The following EYS variants were observed in gnomAD, a reference collection of about 807,000 sequenced individuals.
EYS encodes the protein EGF-like photoreceptor maintenance factor.
EYS carries 250 observed loss-of-function variants against 282.1 expected under a neutral mutation model. That is an observed-to-expected ratio of 0.89 (90% CI 0.80 to 0.98). EYS has a LOEUF of 0.98. Ranked by LOEUF, EYS falls within the 50% of genes least tolerant of loss-of-function variation. The pLI is 0.00. For missense variants in EYS, 4,016 were observed against 3,709.0 expected, an observed-to-expected ratio of 1.08 and a Z score of -2.15; for synonymous variants, 1,355 against 1,282.9, an observed-to-expected ratio of 1.06 and a Z score of -1.20.
At chr6:65,371,731 CTCTCTCTCTCTGTGTG>C (rs1286984732) in intron 8 of EYS, among the ~76,000 whole-genome samples, 13 of 51,046 alleles carry the variant, frequency 2.5e-4, no homozygotes, top group African/African-American at 6.5e-4. Flanking sequence ...CTCTCTCTCT[CTCTCTCTCTCTGTGTG>C]TGTGTGTGTG....
At chr6:64,594,983 C>A (rs1347509020) in intron 24 of EYS, among the ~76,000 whole-genome samples, 1 of 152,074 alleles carries the variant, frequency 6.6e-6, no homozygotes, top group Non-Finnish European at 1.5e-5. Context: ...CAAAACTAGA[C>A]AAGAACATAA....
chr6:64,761,512 C>T (rs146188577), intron 22 of EYS, among the ~76,000 whole-genome samples: 2,983 of 152,236 alleles, frequency 0.02, 83 homozygotes, highest in African/African-American at 0.066. Flanking sequence ...GATGGAGTCT[C>T]ACTCTGTGGC....
chr6:64,333,557 C>G (rs1022180372), intron 29 of EYS, among the ~76,000 whole-genome samples: 1 of 152,120 alleles, frequency 6.6e-6, no homozygotes, highest in Non-Finnish European at 1.5e-5. Context: ...GGGTGCACAA[C>G]TGGAACATGC....
intron 31 of EYS, among the ~76,000 whole-genome samples, chr6:64,198,173 T>C (rs1256309208): frequency 6.6e-6 from 1 of 151,004 alleles, no homozygotes; most frequent in Non-Finnish European, 1.5e-5. Flanking sequence ...AATTTTTTTT[T>C]TTTTTTTGTA....
intron 12 of EYS, among the ~76,000 whole-genome samples, chr6:65,177,654 G>T (rs1215081363): frequency 6.6e-6 from 1 of 151,738 alleles, no homozygotes; most frequent in African/African-American, 2.4e-5. Context: ...AGTCTGAATT[G>T]CATTCAGAGA....
intron 26 of EYS, among the ~76,000 whole-genome samples, chr6:64,553,331 T>A (rs1715581962): frequency 6.6e-6 from 1 of 152,160 alleles, no homozygotes; most frequent in South Asian, 2.1e-4. Context: ...TACATCAAAT[T>A]TATTTTTACA....
intron 41 of EYS, among the ~76,000 whole-genome samples, chr6:63,736,963 C>T (rs1162330380): frequency 2.6e-5 from 4 of 152,090 alleles, no homozygotes; most frequent in Admixed American, 6.6e-5. Context: ...GCTGAAGTTG[C>T]TTATCAGCTT....
At chr6:65,507,088 T>A (rs1290322251) in intron 2 of EYS, among the ~76,000 whole-genome samples, 1 of 152,042 alleles carries the variant, frequency 6.6e-6, no homozygotes, top group African/African-American at 2.4e-5. Context: ...ACTCTCCCTT[T>A]TTCAATATCG....
chr6:65,286,478 T>C (rs1242372939), intron 12 of EYS, among the ~76,000 whole-genome samples: 2 of 151,840 alleles, frequency 1.3e-5, no homozygotes, highest in East Asian at 3.9e-4. Context: ...AAAATACATT[T>C]CTACATGTGT....
rs1340954585 is a variant in EYS at position 65,447,436 on chromosome 6, T to C, written c.863-42069A>G. ...AATTTACTGTACTGAGTCATAAATC[T>C]TTCATAATTTTTTTAGTGTATATGT... On this transcript the variant is annotated intron_variant, in intron 5 of 42. Coordinates refer to ENST00000503581, the MANE Select transcript of EYS (RefSeq NM_001142800.2). 4.0e-5 allele frequency among the ~76,000 whole-genome samples: 6 copies of C among 149,408 alleles called. No homozygotes were observed. The Admixed American group carries it at 4.0e-4, about 10-fold the overall frequency.
intron 22 of EYS, among the ~76,000 whole-genome samples, chr6:64,781,807 G>T (rs1773872277): frequency 6.6e-6 from 1 of 152,082 alleles, no homozygotes; most frequent in Middle Eastern, 3.2e-3. Flanking sequence ...AGTCATCAGG[G>T]AATGTGTGCA....
At chr6:65,289,417 G>C (rs1394741271) in intron 12 of EYS, among the ~76,000 whole-genome samples, 1 of 150,928 alleles carries the variant, frequency 6.6e-6, no homozygotes, top group South Asian at 2.1e-4. Flanking sequence ...CCACATGGGA[G>C]TATGGTATAT....
chr6:64,546,440 C>T (rs1764871250), intron 26 of EYS, among the ~76,000 whole-genome samples: 1 of 152,142 alleles, frequency 6.6e-6, no homozygotes, highest in African/African-American at 2.4e-5. Flanking sequence ...CTGGGCAATA[C>T]CATTCAGGAC....
At chr6:64,703,115 G>A (rs977133348) in intron 22 of EYS, among the ~76,000 whole-genome samples, 3 of 151,724 alleles carry the variant, frequency 2.0e-5, no homozygotes, top group African/African-American at 4.8e-5. Context: ...ATGGAGATTG[G>A]CAGAAGAAAA....
intron 22 of EYS, among the ~76,000 whole-genome samples, chr6:64,751,815 C>T (rs1772768771): frequency 6.6e-6 from 1 of 152,100 alleles, no homozygotes; most frequent in African/African-American, 2.4e-5. Flanking sequence ...AGCAAGTCTG[C>T]TCACACTCCC....
chr6:64,286,317 AACACATTCCTCTAACCAATAGGCAGTATG>A (rs1768498940), intron 30 of EYS, among the ~76,000 whole-genome samples: 1 of 152,194 alleles, frequency 6.6e-6, no homozygotes, highest in East Asian at 1.9e-4. Flanking sequence ...GAGGGATTTT[AACACATTCCTCTAACCAATAGGCAGTATG>A]ACACAATTAA....
chr6:63,998,716 C>T (rs915881249), intron 34 of EYS, among the ~76,000 whole-genome samples: 1 of 151,310 alleles, frequency 6.6e-6, no homozygotes, highest in African/African-American at 2.4e-5. Context: ...AGTGCAAGTA[C>T]TATCATATCC....
chr6:64,174,141 C>A (rs1251054158), intron 31 of EYS, among the ~76,000 whole-genome samples: 2 of 151,868 alleles, frequency 1.3e-5, no homozygotes, highest in African/African-American at 4.8e-5. Flanking sequence ...TTTATTTATC[C>A]TTATCAATAA....
At chr6:64,340,276 C>CA (rs929949926) in intron 29 of EYS, among the ~76,000 whole-genome samples, 2 of 150,792 alleles carry the variant, frequency 1.3e-5, no homozygotes, top group African/African-American at 4.9e-5. Flanking sequence ...CAATTCTAAG[C>CA]AAAAAAATGA....
Sources: gnomAD v4.1 joint callset for allele counts (sites outside exome capture counted in the v4.1 genomes callset) on GRCh38, gnomAD v4.1.1 for gene constraint, MANE v1.5 for transcripts, NCBI Gene and HGNC (gene_info 2026-07-23, HGNC 2026-07-21) for gene names.